The following L3MBTL4 variants were observed in gnomAD, a reference collection of about 807,000 sequenced individuals.
L3MBTL4 encodes the protein L3MBTL histone methyl-lysine binding protein 4, also known as lethal(3)malignant brain tumor-like protein 4.
In L3MBTL4, 70 loss-of-function variants were observed where a neutral mutation model predicts 84.5. The observed-to-expected ratio is 0.83, with a 90% CI of 0.68 to 1.01. L3MBTL4 has a LOEUF of 1.01. L3MBTL4 is among the 50% of genes least tolerant of loss of function. L3MBTL4 has a pLI of 0.00. For missense variants in L3MBTL4, 715 were observed against 754.8 expected (o/e 0.95, Z 0.62); for synonymous variants, 274 against 259.8 (o/e 1.05, Z -0.52).
intron 16 of L3MBTL4, among the ~76,000 whole-genome samples, chr18:5,985,495 G>A (rs904412846): frequency 9.2e-5 from 14 of 152,154 alleles, no homozygotes; most frequent in Admixed American, 4.6e-4. Context: ...GTAAGGAAAA[G>A]GAGGCACAAA....
At chr18:6,041,668 A>T (rs899988918) in intron 16 of L3MBTL4, among the ~76,000 whole-genome samples, 14 of 151,642 alleles carry the variant, frequency 9.2e-5, no homozygotes, top group Non-Finnish European at 1.6e-4. Context: ...TCGCAGCCAC[A>T]CTATATACCC....
chr18:6,002,049 CA>C (rs1356890350), intron 16 of L3MBTL4, among the ~76,000 whole-genome samples: 1 of 152,126 alleles, frequency 6.6e-6, no homozygotes, highest in Non-Finnish European at 1.5e-5. Flanking sequence ...AGCACCAGAA[CA>C]AAAGTGACTC....
intron 1 of L3MBTL4, among the ~76,000 whole-genome samples, chr18:6,385,222 T>C (rs2054769435): frequency 6.6e-6 from 1 of 151,866 alleles, no homozygotes; most frequent in Non-Finnish European, 1.5e-5. Context: ...GGCAACACAG[T>C]GAGATCCCAT....
At chr18:6,410,259 C>T (rs11663115) in intron 1 of L3MBTL4, among the ~76,000 whole-genome samples, 36,129 of 152,238 alleles carry the variant, frequency 0.24, 5,343 homozygotes, top group East Asian at 0.41. Flanking sequence ...CCATTCCCCA[C>T]CTGGCTAGCA....
At chr18:6,279,951 A>C (rs1276355199) in intron 4 of L3MBTL4, among the ~76,000 whole-genome samples, 1 of 152,196 alleles carries the variant, frequency 6.6e-6, no homozygotes, top group African/African-American at 2.4e-5. Context: ...ATTTTCCTCT[A>C]TTCAAGACAT....
intron 16 of L3MBTL4, among the ~76,000 whole-genome samples, chr18:6,063,401 C>G (rs1178596580): frequency 6.6e-6 from 1 of 150,988 alleles, no homozygotes; most frequent in Non-Finnish European, 1.5e-5. Context: ...ATTGCTGGAT[C>G]AAATGGTAGT....
At chr18:6,177,094 C>G (rs2044257119) in intron 12 of L3MBTL4, among the ~76,000 whole-genome samples, 1 of 152,178 alleles carries the variant, frequency 6.6e-6, no homozygotes, top group African/African-American at 2.4e-5. Context: ...TTTAAAGAAG[C>G]TTAAACCGTG....
At chr18:6,059,728 G>A (rs2057142715) in intron 16 of L3MBTL4, among the ~76,000 whole-genome samples, 1 of 152,182 alleles carries the variant, frequency 6.6e-6, no homozygotes, top group Admixed American at 6.5e-5. Flanking sequence ...CTGTGATGAC[G>A]CTTCTAGCAG....
chr18:6,176,294 T>G (rs1348522248), intron 12 of L3MBTL4, among the ~76,000 whole-genome samples: 2 of 152,326 alleles, frequency 1.3e-5, no homozygotes, highest in East Asian at 3.9e-4. Context: ...TGATACTATC[T>G]GAATTTTAGA....
chr18:6,106,569 A>T (rs936212717), intron 14 of L3MBTL4, among the ~76,000 whole-genome samples: 7 of 152,198 alleles, frequency 4.6e-5, no homozygotes, highest in Non-Finnish European at 8.8e-5. Context: ...TCTTATGGGG[A>T]CAAGCTGTAA....
chr18:6,190,773 G>A (rs2045040907), intron 12 of L3MBTL4, among the ~76,000 whole-genome samples: 1 of 152,152 alleles, frequency 6.6e-6, no homozygotes, highest in African/African-American at 2.4e-5. Flanking sequence ...GGGGGAGTAG[G>A]AGTGTGCCAG....
At position 6,101,870 on chromosome 18, in the gene L3MBTL4, T is replaced by A. The variant is rs77743291; in HGVS notation, c.1200-8342A>T. 0.01 allele frequency among the ~76,000 whole-genome samples: 1,546 copies of A among 152,310 alleles called. 63 individuals are homozygous for A. In the East Asian group the frequency reaches 0.11, roughly 11 times the overall value. ...TTCTTTCTTCCTTTCCTTCCACTTGTTATAAATATGTGCCCTTAGACCGAA... is the reference window on the plus strand; with the variant it reads ...TTCTTTCTTCCTTTCCTTCCACTTGATATAAATATGTGCCCTTAGACCGAA... On this transcript the variant is annotated intron_variant, in intron 14 of 18. Transcript: ENST00000317931.
chr18:6,406,742 C>T (rs1000523398), intron 1 of L3MBTL4, among the ~76,000 whole-genome samples: 2 of 151,996 alleles, frequency 1.3e-5, no homozygotes, highest in Non-Finnish European at 2.9e-5. Flanking sequence ...TTAACTGTAC[C>T]GAGATTGAGA....
chr18:6,346,103 A>AATATATATATATATATATATATAT (rs34294575), intron 1 of L3MBTL4, among the ~76,000 whole-genome samples: 5 of 129,816 alleles, frequency 3.9e-5, no homozygotes, highest in African/African-American at 1.4e-4. Context: ...ATGATGTTGG[A>AATATATATATATATATATATATAT]ATATATATAT....
At position 6,244,483 on chromosome 18, in the gene L3MBTL4, C is replaced by A; in HGVS notation, c.324+1G>T. 6.3e-7 allele frequency: 1 copy of A among 1,598,060 alleles called. No homozygotes were observed. The highest frequency in any genetic ancestry group is 8.6e-7 in the Non-Finnish European group (1 of 1,165,610). On this transcript the variant is annotated splice_donor_variant, in intron 6 of 18. Transcript: ENST00000317931. LOFTEE classifies it high-confidence loss of function. ...CCCAAGACAGTAACACCACCTCTTA[C>A]CTCCGCTACAGAAAGCACACAGAAT...
chr18:6,190,781 C>T (rs1335810679), intron 12 of L3MBTL4, among the ~76,000 whole-genome samples: 3 of 151,980 alleles, frequency 2.0e-5, no homozygotes, highest in Non-Finnish European at 4.4e-5. Flanking sequence ...AGGAGTGTGC[C>T]AGGAGAGTCT....
At chr18:5,999,829 C>T (rs2054136972) in intron 16 of L3MBTL4, among the ~76,000 whole-genome samples, 1 of 152,152 alleles carries the variant, frequency 6.6e-6, no homozygotes, top group Non-Finnish European at 1.5e-5. Flanking sequence ...CTTGCTTGTA[C>T]AAATGGGGAC....
chr18:6,142,241 T>C (rs1345101256), intron 13 of L3MBTL4, among the ~76,000 whole-genome samples: 1 of 152,234 alleles, frequency 6.6e-6, no homozygotes, highest in Non-Finnish European at 1.5e-5. Context: ...GTCACCAGTA[T>C]CTAGCCCAAC....
chr18:6,124,019 G>T (rs1329607739), intron 14 of L3MBTL4, among the ~76,000 whole-genome samples: 2 of 152,174 alleles, frequency 1.3e-5, no homozygotes, highest in African/African-American at 2.4e-5. Flanking sequence ...CTGGTAAATG[G>T]TGATGAAGAT....
Sources: gnomAD v4.1 joint callset for allele counts (sites outside exome capture counted in the v4.1 genomes callset) on GRCh38, gnomAD v4.1.1 for gene constraint, MANE v1.5 for transcripts, NCBI Gene and HGNC (gene_info 2026-07-23, HGNC 2026-07-21) for gene names.